The following DPYD variants were observed in gnomAD, a reference collection of about 807,000 sequenced individuals.
The protein encoded by DPYD is dihydropyrimidine dehydrogenase.
A neutral mutation model predicts 116.2 loss-of-function variants in DPYD; 109 were observed. That is an observed-to-expected ratio of 0.94 (90% CI 0.80 to 1.10). The LOEUF (loss-of-function observed/expected upper bound fraction) is 1.10, where lower values mean the gene tolerates loss of function less well. Among genes scored for constraint, DPYD ranks in the 50% least tolerant of loss-of-function variants. DPYD has a pLI of 0.00. For synonymous variants in DPYD, 440 were observed against 432.0 expected (o/e 1.02, Z -0.23); for missense variants, 1,302 against 1,254.5 (o/e 1.04, Z -0.57).
Position 97,669,513 on chromosome 1 carries a change from A to G in DPYD, c.850+9582T>C, listed in dbSNP as rs1481788736. 2.0e-5 allele frequency among the ~76,000 whole-genome samples: 3 copies of G among 152,284 alleles called. No homozygotes were observed. In the East Asian group the frequency reaches 5.8e-4, roughly 29 times the overall value. On this transcript the variant is annotated intron_variant, in intron 8 of 22. Coordinates refer to ENST00000370192, the MANE Select transcript of DPYD (RefSeq NM_000110.4). ...AAAGGCAAGATCTGAAGAAAAACTG[A>G]TTTGATATAAATTTCAATTGCATTG...
intron 14 of DPYD, among the ~76,000 whole-genome samples, chr1:97,405,098 A>G (rs895551097): frequency 6.6e-6 from 1 of 151,888 alleles, no homozygotes; most frequent in Non-Finnish European, 1.5e-5. Flanking sequence ...CCTCCTGTCC[A>G]TTGTGTCACT....
chr1:97,255,396 C>A (rs1483500092), intron 18 of DPYD, among the ~76,000 whole-genome samples: 3 of 152,098 alleles, frequency 2.0e-5, no homozygotes, highest in Admixed American at 6.6e-5. Flanking sequence ...TGGGAGGGAC[C>A]CAGTGGGAGG....
Position 97,170,481 on chromosome 1 carries a change from G to A in DPYD, c.2622+22588C>T, listed in dbSNP as rs117353408. Among the ~76,000 whole-genome samples the A allele has an allele frequency of 8.5e-5, 13 of 152,222 alleles. No individual in the cohort carries two copies. The East Asian group carries it at 2.5e-3, about 29-fold the overall frequency. On this transcript the variant is annotated intron_variant, in intron 20 of 22. Coordinates refer to ENST00000370192, the MANE Select transcript of DPYD (RefSeq NM_000110.4). The stretch of plus-strand genomic sequence containing the variant: ...CAATGTTCACATCAACAGTTTGCTG[G>A]GCATGCAGCCAGGCAACCATACACA...
At chr1:97,173,723 T>G (rs1322613620) in intron 20 of DPYD, among the ~76,000 whole-genome samples, 1 of 150,504 alleles carries the variant, frequency 6.6e-6, no homozygotes, top group East Asian at 2.0e-4. Flanking sequence ...GAGGCAGGGA[T>G]ATGTAAAATA....
intron 18 of DPYD, among the ~76,000 whole-genome samples, chr1:97,235,502 T>C (rs1225383959): frequency 1.3e-5 from 2 of 152,094 alleles, no homozygotes; most frequent in Admixed American, 1.3e-4. Flanking sequence ...CAGGCTCCTG[T>C]AATCCCAGCT....
At chr1:97,323,741 T>TAA (rs1396663772) in intron 16 of DPYD, among the ~76,000 whole-genome samples, 1 of 148,190 alleles carries the variant, frequency 6.7e-6, no homozygotes, top group Non-Finnish European at 1.5e-5. Flanking sequence ...CATATATATA[T>TAA]AATATATTTA....
At chr1:97,339,600 C>A (rs1558040937) in intron 16 of DPYD, among the ~76,000 whole-genome samples, 3 of 152,140 alleles carry the variant, frequency 2.0e-5, no homozygotes, top group Non-Finnish European at 4.4e-5. Flanking sequence ...CACCCATGTA[C>A]TGATATCTTA....
chr1:97,703,475 C>T (rs963198265), intron 5 of DPYD, among the ~76,000 whole-genome samples: 2 of 151,924 alleles, frequency 1.3e-5, no homozygotes, highest in Admixed American at 1.3e-4. Flanking sequence ...TAGGAAACTG[C>T]CTGCCCATAT....
chr1:97,398,116 GC>G (rs1673119813), intron 14 of DPYD, among the ~76,000 whole-genome samples: 1 of 151,894 alleles, frequency 6.6e-6, no homozygotes, highest in Admixed American at 6.6e-5. Flanking sequence ...CCCACAACAG[GC>G]CCCGGTGTGT....
At chr1:97,279,319 T>A (rs745778458) in intron 18 of DPYD, among the ~76,000 whole-genome samples, 1 of 152,022 alleles carries the variant, frequency 6.6e-6, no homozygotes, top group African/African-American at 2.4e-5. Context: ...ATTCAACATG[T>A]AGAACTCCCA....
intron 22 of DPYD, among the ~76,000 whole-genome samples, chr1:97,081,379 T>G (rs1026130321): frequency 6.6e-6 from 1 of 152,042 alleles, no homozygotes; most frequent in Non-Finnish European, 1.5e-5. Context: ...TTTAATAGTT[T>G]AGTAGTTTTC....
At position 97,711,100 on chromosome 1, in the gene DPYD, C is replaced by T. The variant is rs11588242; in HGVS notation, c.483+10410G>A. Among the ~76,000 whole-genome samples, 597 of 151,876 alleles carry T rather than the reference C, an allele frequency of 3.9e-3. 1 individual carries two copies. Among genetic ancestry groups the T allele is most frequent in the Middle Eastern group, 6.8e-3 (2 of 294 alleles). Reference sequence around the variant, plus strand: ...TCTCTGGGGAACTTAATATTTATATCTCCAATCCTAAAAATCTTCGACTTT... The same window carrying T: ...TCTCTGGGGAACTTAATATTTATATTTCCAATCCTAAAAATCTTCGACTTT... On this transcript the variant is annotated intron_variant, in intron 5 of 22. Transcript: ENST00000370192.
At chr1:97,519,173 A>C (rs186172107) in intron 12 of DPYD, among the ~76,000 whole-genome samples, 3 of 152,300 alleles carry the variant, frequency 2.0e-5, no homozygotes, top group African/African-American at 7.2e-5. Flanking sequence ...TGTTAAAGAC[A>C]TGCTCAAAAC....
intron 18 of DPYD, among the ~76,000 whole-genome samples, chr1:97,301,750 C>A (rs570438847): frequency 6.6e-6 from 1 of 151,904 alleles, no homozygotes; most frequent in Non-Finnish European, 1.5e-5. Context: ...TTATGCCATG[C>A]AGGACTGATT....
intron 18 of DPYD, chr1:97,295,957 A>G (rs1666500537): frequency 6.2e-6 from 1 of 161,004 alleles, no homozygotes; most frequent in Admixed American, 6.5e-5. Context: ...TAGTTTCCCA[A>G]TTTCCATATG....
intron 14 of DPYD, among the ~76,000 whole-genome samples, chr1:97,388,112 T>C (rs191421179): frequency 1.0e-3 from 155 of 152,198 alleles, no homozygotes; most frequent in Admixed American, 2.2e-3. Flanking sequence ...GGTGAATGCT[T>C]AGATTCAGAG....
intron 2 of DPYD, among the ~76,000 whole-genome samples, chr1:97,865,406 G>A (rs1457983999): frequency 6.6e-6 from 1 of 151,798 alleles, no homozygotes; most frequent in African/African-American, 2.4e-5. Context: ...CAAAGAATAT[G>A]GAATGTTAAG....
At chr1:97,161,347 C>T (rs1239479253) in intron 20 of DPYD, among the ~76,000 whole-genome samples, 1 of 152,006 alleles carries the variant, frequency 6.6e-6, no homozygotes, top group African/African-American at 2.4e-5. Context: ...GCAATGCAAC[C>T]CATCATTCTA....
At chr1:97,453,420 C>G (rs1425895903) in intron 13 of DPYD, among the ~76,000 whole-genome samples, 1 of 151,918 alleles carries the variant, frequency 6.6e-6, no homozygotes, top group African/African-American at 2.4e-5. Context: ...CACATCTTAA[C>G]AGTATACATA....
Sources: allele counts gnomAD v4.1 joint callset (sites outside exome capture counted in the v4.1 genomes callset), GRCh38; gene constraint gnomAD v4.1.1; transcripts MANE v1.5; gene names NCBI Gene and HGNC (gene_info 2026-07-23, HGNC 2026-07-21).